PAX3: variants seen among roughly 807,000 people sequenced by gnomAD.
PAX3 encodes paired box 3, also known as paired box protein Pax-3.
PAX3 carries 14 observed loss-of-function variants against 51.6 expected under a neutral mutation model. The ratio of observed to expected loss-of-function variants is 0.27; its 90% CI spans 0.18 to 0.42. The LOEUF (loss-of-function observed/expected upper bound fraction) is 0.42. PAX3 is among the 10% of genes least tolerant of loss of function. PAX3 has a pLI of 1.00. For missense variants in PAX3, 540 were observed against 642.8 expected, an observed-to-expected ratio of 0.84 and a Z score of 1.73; for synonymous variants, 280 against 253.4, an observed-to-expected ratio of 1.11 and a Z score of -1.00.
intron 4 of PAX3, among the ~76,000 whole-genome samples, chr2:222,284,966 T>C (rs578090456): frequency 1.6e-4 from 25 of 152,318 alleles, no homozygotes; most frequent in Admixed American, 4.6e-4. Flanking sequence ...ACTTTCACCT[T>C]GGGTACTGTG....
chr2:222,214,919 T>C (rs1691893479), intron 7 of PAX3: 1 of 152,082 alleles, frequency 6.6e-6, no homozygotes, highest in Non-Finnish European at 1.5e-5. Context: ...AATTTAAGCC[T>C]ATTTTCTTAT....
intron 7 of PAX3, among the ~76,000 whole-genome samples, chr2:222,216,290 G>C (rs1691955907): frequency 6.6e-6 from 1 of 152,174 alleles, no homozygotes; most frequent in Admixed American, 6.6e-5. Context: ...TTAAATGATT[G>C]TGTTGCCTTG....
At chr2:222,280,491 A>G (rs865926568) in intron 4 of PAX3, among the ~76,000 whole-genome samples, 4 of 152,222 alleles carry the variant, frequency 2.6e-5, no homozygotes, top group Non-Finnish European at 5.9e-5. Context: ...TTTCCTAAAA[A>G]GGACAAATAA....
intron 4 of PAX3, among the ~76,000 whole-genome samples, chr2:222,239,352 A>C (rs1690109997): frequency 6.6e-6 from 1 of 151,042 alleles, no homozygotes; most frequent in African/African-American, 2.4e-5. Context: ...AGAGAGAAGG[A>C]GGGGGGAGGT....
At chr2:222,245,006 G>A (rs1033884695) in intron 4 of PAX3, among the ~76,000 whole-genome samples, 4 of 152,072 alleles carry the variant, frequency 2.6e-5, no homozygotes, top group Non-Finnish European at 5.9e-5. Flanking sequence ...AAATTAGCTG[G>A]ATATGATGGT....
chr2:222,262,175 T>C lies in PAX3; in HGVS notation c.587-29892A>G, dbSNP rs370425508. Among the ~76,000 whole-genome samples, 171 of 152,366 alleles carry C rather than the reference T, an allele frequency of 1.1e-3. 2 individuals are homozygous for C. In the South Asian group the frequency reaches 0.025, roughly 23 times the overall value. On this transcript the variant is annotated intron_variant, in intron 4 of 8. Transcript: ENST00000392070. Reference sequence around the variant, plus strand: ...TCCATGTTGTTGCATATGTGAGTAGTTCATTCTTATTTTATTACTGAACAA... The same window carrying C: ...TCCATGTTGTTGCATATGTGAGTAGCTCATTCTTATTTTATTACTGAACAA...
intron 4 of PAX3, among the ~76,000 whole-genome samples, chr2:222,281,593 A>T (rs1476965214): frequency 1.3e-5 from 2 of 152,218 alleles, no homozygotes; most frequent in African/African-American, 4.8e-5. Flanking sequence ...TATATGGTCT[A>T]AATGTTTGTT....
At chr2:222,210,562 G>A (rs1691686651) in intron 7 of PAX3, among the ~76,000 whole-genome samples, 1 of 152,088 alleles carries the variant, frequency 6.6e-6, no homozygotes, top group African/African-American at 2.4e-5. Flanking sequence ...CCTGCTCCTA[G>A]CCCCATGGAA....
At position 222,295,339 on chromosome 2, in the gene PAX3, A is replaced by G. The variant is rs45511296; in HGVS notation, c.451+189T>C. Among the ~76,000 whole-genome samples the G allele has an allele frequency of 1.1e-3, 160 of 152,312 alleles. 1 individual carries two copies. Among genetic ancestry groups the G allele is most frequent in the Non-Finnish European group, 1.9e-3 (130 of 68,024 alleles). ...GGTGGTCTCGCCACCCTCCGTCCCC[A>G]GGACAAGCAGCTCACCCCTCCCTCC... On this transcript the variant is annotated intron_variant, in intron 3 of 8. Transcript: ENST00000392070.
At chr2:222,211,353 A>C (rs1478376245) in intron 7 of PAX3, among the ~76,000 whole-genome samples, 2 of 152,208 alleles carry the variant, frequency 1.3e-5, no homozygotes, top group Non-Finnish European at 2.9e-5. Context: ...CACAGCTAGT[A>C]AGTGGCTAAG....
At chr2:222,237,326 G>GCATGCACA (rs1692835429) in intron 4 of PAX3, among the ~76,000 whole-genome samples, 1 of 146,456 alleles carries the variant, frequency 6.8e-6, no homozygotes, top group Admixed American at 6.9e-5. Flanking sequence ...TTTATCACAT[G>GCATGCACA]CACACACACA....
At chr2:222,260,291 C>T (rs1693793920) in intron 4 of PAX3, among the ~76,000 whole-genome samples, 1 of 152,052 alleles carries the variant, frequency 6.6e-6, no homozygotes, top group Non-Finnish European at 1.5e-5. Context: ...TTGCTTGAGC[C>T]TGGGAGGTCG....
At chr2:222,231,080 C>A (rs1357535191) in intron 5 of PAX3, among the ~76,000 whole-genome samples, 1 of 152,154 alleles carries the variant, frequency 6.6e-6, no homozygotes, top group Non-Finnish European at 1.5e-5. Flanking sequence ...AGAAAACAAT[C>A]TCTCTGACTG....
chr2:222,242,200 C>G (rs1693042236), intron 4 of PAX3, among the ~76,000 whole-genome samples: 2 of 151,930 alleles, frequency 1.3e-5, no homozygotes, highest in Non-Finnish European at 2.9e-5. Context: ...TTTTTTTGAT[C>G]CAAGTGTGTT....
rs191717268 is a variant in PAX3 at position 222,297,993 on chromosome 2, A to T, written c.85+538T>A. 1.5e-3 allele frequency among the ~76,000 whole-genome samples: 225 copies of T among 152,302 alleles called. 1 individual carries two copies. Among genetic ancestry groups the T allele is most frequent in the Non-Finnish European group, 2.9e-3 (195 of 68,024 alleles). On this transcript the variant is annotated intron_variant, in intron 1 of 8. Transcript: ENST00000392070. ...GTGGACGGAAAGGCGATTCCTAAAC[A>T]AGTTATAGAAACTTCTAGATGCTAT...
rs922687079 is a variant in PAX3, at chr2:222,239,244, T to C, written c.587-6961A>G. Among the ~76,000 whole-genome samples, 3 of 152,088 alleles carry C rather than the reference T, an allele frequency of 2.0e-5. No individual in the cohort carries two copies. The South Asian group carries it at 6.2e-4, about 32-fold the overall frequency. ...GAATCCATCAGCAGGGCATTTACCC[T>C]CATTCAGGGTTCTGACACCTGCCTG... On this transcript the variant is annotated intron_variant, in intron 4 of 8. Transcript: ENST00000392070.
chr2:222,264,599 T>G (rs1693977596), intron 4 of PAX3: 1 of 152,174 alleles, frequency 6.6e-6, no homozygotes, highest in Admixed American at 6.5e-5. Context: ...ACCATGATAA[T>G]TTCAAAAAAT....
At chr2:222,289,552 C>T (rs1287705174) in intron 4 of PAX3, among the ~76,000 whole-genome samples, 4 of 152,100 alleles carry the variant, frequency 2.6e-5, no homozygotes, top group Non-Finnish European at 4.4e-5. Context: ...CAGTAGAAGC[C>T]CCTACGTCCT....
chr2:222,222,320 G>T (rs555446093), intron 5 of PAX3, among the ~76,000 whole-genome samples: 47 of 151,938 alleles, frequency 3.1e-4, no homozygotes, highest in Non-Finnish European at 5.1e-4. Flanking sequence ...ATTTTTCCAC[G>T]GAGCACACAT....
Sources: allele counts gnomAD v4.1 joint callset (sites outside exome capture counted in the v4.1 genomes callset), GRCh38; gene constraint gnomAD v4.1.1; transcripts MANE v1.5; gene names NCBI Gene and HGNC (gene_info 2026-07-23, HGNC 2026-07-21).